DDX60L: variants seen among roughly 807,000 people sequenced by gnomAD.
The protein encoded by DDX60L is probable ATP-dependent RNA helicase DDX60-like.
A neutral mutation model predicts 211.6 loss-of-function variants in DDX60L; 191 were observed. That is an observed-to-expected ratio of 0.90 (90% CI 0.80 to 1.02). The LOEUF (loss-of-function observed/expected upper bound fraction) is 1.02, where lower values mean the gene tolerates loss of function less well. Among genes scored for constraint, DDX60L ranks in the 50% least tolerant of loss-of-function variants. The probability of loss-of-function intolerance (pLI) is 0.00; values close to 1 mark genes in which losing one functional copy is unlikely to be tolerated. For synonymous variants in DDX60L, 706 were observed against 694.1 expected, an observed-to-expected ratio of 1.02 and a Z score of -0.27; for missense variants, 2,007 against 1,984.1, an observed-to-expected ratio of 1.01 and a Z score of -0.22.
intron 1 of DDX60L, chr4:168,475,881 C>G (rs543219000): frequency 6.6e-6 from 1 of 151,832 alleles, no homozygotes; most frequent in Non-Finnish European, 1.5e-5. Flanking sequence ...ATACTCTCTC[C>G]CTTCTCCCTT....
At chr4:168,439,980 A>G (rs1322393673) in intron 10 of DDX60L, among the ~76,000 whole-genome samples, 1 of 152,240 alleles carries the variant, frequency 6.6e-6, no homozygotes, top group African/African-American at 2.4e-5. Context: ...TCAAATGGCC[A>G]ATAACAGATG....
At chr4:168,364,478 G>A (rs1212314435) in intron 36 of DDX60L, among the ~76,000 whole-genome samples, 1 of 152,102 alleles carries the variant, frequency 6.6e-6, no homozygotes, top group Non-Finnish European at 1.5e-5. Context: ...TTTCAACAAT[G>A]AATGGGTCAT....
At chr4:168,408,994 G>A (rs566168367) in intron 22 of DDX60L, among the ~76,000 whole-genome samples, 47 of 152,242 alleles carry the variant, frequency 3.1e-4, no homozygotes, top group African/African-American at 1.1e-3. Flanking sequence ...TTCCCCTCAT[G>A]AATGAACAAT....
At chr4:168,364,247 G>T (rs571559372) in intron 36 of DDX60L, among the ~76,000 whole-genome samples, 2 of 152,148 alleles carry the variant, frequency 1.3e-5, no homozygotes, top group Non-Finnish European at 2.9e-5. Context: ...AATCAAAAGT[G>T]AGCAGGAGTA....
intron 10 of DDX60L, among the ~76,000 whole-genome samples, chr4:168,441,013 T>C (rs1297405866): frequency 1.3e-5 from 2 of 151,834 alleles, no homozygotes; most frequent in Non-Finnish European, 2.9e-5. Context: ...TTGAAGTCTG[T>C]TAAAGAGATG....
chr4:168,438,013 A>G (rs1474121261), intron 10 of DDX60L, among the ~76,000 whole-genome samples: 1 of 152,160 alleles, frequency 6.6e-6, no homozygotes, highest in African/African-American at 2.4e-5. Flanking sequence ...AGCTGGGATT[A>G]CAGGCACATG....
Position 168,430,559 on chromosome 4 carries a change from T to G in DDX60L, c.1596A>C (p.Glu532Asp), listed in dbSNP as rs772062286. Residue 532 changes from glutamate (E) to aspartate (D), a missense_variant, in exon 13 of 38, where the codon GAA becomes GAC. Glu to Asp is a conservative substitution (Grantham distance 45, BLOSUM62 2). Coordinates refer to ENST00000682922, the MANE Select transcript of DDX60L (RefSeq NM_001012967.3). ...DYQQFYGKSL[E>D]SISTKVIVTQ... Reference sequence around the variant, plus strand: ...TCACAATGACTTTCGTAGAGATTGATTCTAACGATTTCCCATAAAATTGCT... The same window carrying G: ...TCACAATGACTTTCGTAGAGATTGAGTCTAACGATTTCCCATAAAATTGCT... The G allele has an allele frequency of 2.5e-6, 4 of 1,608,664 alleles. No individual in the cohort carries two copies. Among genetic ancestry groups the G allele is most frequent in the Admixed American group, 1.7e-5 (1 of 59,270 alleles).
intron 1 of DDX60L, among the ~76,000 whole-genome samples, chr4:168,477,288 G>A (rs927916782): frequency 3.9e-5 from 6 of 152,076 alleles, no homozygotes; most frequent in Non-Finnish European, 5.9e-5. Flanking sequence ...GGTGGCAGGC[G>A]CCTGTAGTCC....
intron 1 of DDX60L, among the ~76,000 whole-genome samples, chr4:168,476,561 G>C (rs1226932266): frequency 2.6e-5 from 4 of 152,144 alleles, no homozygotes; most frequent in Non-Finnish European, 5.9e-5. Context: ...AAGAAAGAGA[G>C]AGAGAAAGAG....
At position 168,422,534 on chromosome 4, in the gene DDX60L, T is replaced by G. The variant is rs758033776; in HGVS notation, c.2234A>C (p.Asn745Thr). 2.1e-5 allele frequency: 34 copies of G among 1,609,682 alleles called. No homozygotes were observed. The East Asian group carries it at 6.5e-4, about 31-fold the overall frequency. ...RDPRVQDFIP[N>T]AWQQELLDVV... ...GTTTGTTGTCATTACCTGCCATGCG[T>G]TGGGAATAAAATCCTGGACCCTGGG... The change falls in exon 16 of 38, where the codon AAC (asparagine) becomes ACC (threonine). Residue 745 changes from asparagine to threonine, a missense_variant. By Grantham distance (65) the Asn-to-Thr change is moderately conservative. Transcript: ENST00000682922.
intron 14 of DDX60L, among the ~76,000 whole-genome samples, chr4:168,424,310 T>C (rs2149897091): frequency 6.6e-6 from 1 of 152,336 alleles, no homozygotes; most frequent in Non-Finnish European, 1.5e-5. Context: ...AATCATTCTA[T>C]CCAGACTCTC....
intron 15 of DDX60L, 107 bp downstream of exon 15, chr4:168,423,501 G>T: frequency 1.4e-6 from 1 of 738,216 alleles, no homozygotes; most frequent in Non-Finnish European, 2.1e-6. Context: ...AGTAAACATA[G>T]TCAATTGATA....
chr4:168,374,571 C>T (rs1428931985), intron 34 of DDX60L, among the ~76,000 whole-genome samples: 1 of 152,198 alleles, frequency 6.6e-6, no homozygotes, highest in Non-Finnish European at 1.5e-5. Context: ...TCTGCTAGAA[C>T]TTTCCGTAAT....
chr4:168,454,710 CTCTCCAT>C (rs990471162), intron 7 of DDX60L, among the ~76,000 whole-genome samples: 10 of 147,930 alleles, frequency 6.8e-5, no homozygotes, highest in African/African-American at 1.8e-4. Flanking sequence ...GCTCACTGCT[CTCTCCAT>C]TCTCCATTCT....
At chr4:168,422,262 G>GT (rs1365901779) in intron 16 of DDX60L, among the ~76,000 whole-genome samples, 1 of 152,172 alleles carries the variant, frequency 6.6e-6, no homozygotes, top group Non-Finnish European at 1.5e-5. Flanking sequence ...AAACTGAGCT[G>GT]TAAGAACTAG....
Position 168,430,547 on chromosome 4 carries a change from C to A in DDX60L, c.1608G>T (p.Thr536=). The A allele has an allele frequency of 6.2e-7, 1 of 1,610,916 alleles. No individual in the cohort carries two copies. The highest frequency in any genetic ancestry group is 8.5e-7 in the Non-Finnish European group (1 of 1,178,672). ...FYGKSLESIS[T]KVIVTQTTRP... is the part of the protein sequence containing the mutation. Reference sequence around the variant, plus strand: ...GAGTAGTTTGAGTCACAATGACTTTCGTAGAGATTGATTCTAACGATTTCC... The same window carrying A: ...GAGTAGTTTGAGTCACAATGACTTTAGTAGAGATTGATTCTAACGATTTCC... Residue 536 remains threonine, a synonymous_variant, in exon 13 of 38, where the codon ACG becomes ACT. Coordinates refer to ENST00000682922, the MANE Select transcript of DDX60L (RefSeq NM_001012967.3).
chr4:168,477,873 G>C (rs1759801341), intron 1 of DDX60L, among the ~76,000 whole-genome samples: 1 of 152,200 alleles, frequency 6.6e-6, no homozygotes, highest in African/African-American at 2.4e-5. Flanking sequence ...CTATGACCAA[G>C]GAAGAATGGG....
At chr4:168,400,772 G>C in intron 26 of DDX60L, 54 bp downstream of exon 26, 2 of 1,442,770 alleles carry the variant, frequency 1.4e-6, no homozygotes, top group Non-Finnish European at 1.9e-6. Context: ...ACAGTGTCTT[G>C]TAAATATTTT....
At chr4:168,462,154 GT>G (rs1403063963) in intron 4 of DDX60L, 114 bp from the exon 5 acceptor site, 1 of 794,592 alleles carries the variant, frequency 1.3e-6, no homozygotes, top group Non-Finnish European at 2.0e-6. Flanking sequence ...TGATCTAATT[GT>G]TTTGCTCAAG....
Sources: allele counts gnomAD v4.1 joint callset (sites outside exome capture counted in the v4.1 genomes callset), GRCh38; gene constraint gnomAD v4.1.1; transcripts MANE v1.5; gene names NCBI Gene and HGNC (gene_info 2026-07-23, HGNC 2026-07-21).